MGAT4C: variants seen among roughly 807,000 people sequenced by gnomAD.
The protein encoded by MGAT4C is MGAT4 family member C.
MGAT4C carries 19 observed loss-of-function variants against 40.1 expected under a neutral mutation model. The ratio of observed to expected loss-of-function variants is 0.47; its 90% CI spans 0.33 to 0.70. The LOEUF (loss-of-function observed/expected upper bound fraction) is 0.70, where lower values mean the gene tolerates loss of function less well. Among genes scored for constraint, MGAT4C ranks in the 30% least tolerant of loss-of-function variants. MGAT4C has a pLI of 0.02. For synonymous variants in MGAT4C, 181 were observed against 187.1 expected, an observed-to-expected ratio of 0.97 and a Z score of 0.27; for missense variants, 491 against 563.2, an observed-to-expected ratio of 0.87 and a Z score of 1.30.
intron 1 of MGAT4C, among the ~76,000 whole-genome samples, chr12:86,803,929 TG>T (rs1236871948): frequency 1.4e-5 from 2 of 143,004 alleles, no homozygotes; most frequent in Non-Finnish European, 3.1e-5. Context: ...TATACCCAAA[TG>T]ACTATAAATC....
chr12:86,469,887 G>T (rs1957734141), intron 2 of MGAT4C, among the ~76,000 whole-genome samples: 1 of 152,090 alleles, frequency 6.6e-6, no homozygotes, highest in Non-Finnish European at 1.5e-5. Flanking sequence ...TCCTCCTATA[G>T]AAACTGTGGG....
chr12:86,462,558 A>G (rs958554991), intron 2 of MGAT4C, among the ~76,000 whole-genome samples: 1 of 152,190 alleles, frequency 6.6e-6, no homozygotes, highest in East Asian at 1.9e-4. Context: ...GACTCACACA[A>G]TCACAAGGTG....
At chr12:86,791,148 TG>T (rs1343523174) in intron 1 of MGAT4C, among the ~76,000 whole-genome samples, 1 of 152,122 alleles carries the variant, frequency 6.6e-6, no homozygotes, top group African/African-American at 2.4e-5. Flanking sequence ...CTTTGTATTT[TG>T]GGGTTTTATA....
chr12:86,672,492 GT>G (rs1964281810), intron 2 of MGAT4C, among the ~76,000 whole-genome samples: 2 of 151,918 alleles, frequency 1.3e-5, no homozygotes, highest in Admixed American at 6.6e-5. Flanking sequence ...AATGAAATGA[GT>G]TTTTTTGAAA....
chr12:86,126,906 C>T (rs778809292), intron 1 of MGAT4C, among the ~76,000 whole-genome samples: 2 of 152,014 alleles, frequency 1.3e-5, no homozygotes, highest in Non-Finnish European at 2.9e-5. Flanking sequence ...CAGTATAAAG[C>T]GGGGATGGTT....
At chr12:86,426,963 GAAGA>G (rs1467402035) in intron 3 of MGAT4C, among the ~76,000 whole-genome samples, 2 of 151,610 alleles carry the variant, frequency 1.3e-5, no homozygotes, top group Non-Finnish European at 2.9e-5. Flanking sequence ...AGAAAAAGAA[GAAGA>G]GAGAGAGAGA....
chr12:86,159,943 A>G lies in MGAT4C; in HGVS notation c.-57+96296T>C, dbSNP rs528823173. Among the ~76,000 whole-genome samples, 4 of 152,136 alleles carry G rather than the reference A, an allele frequency of 2.6e-5. No individual in the cohort carries two copies. The South Asian group carries it at 8.3e-4, about 32-fold the overall frequency. On this transcript the variant is annotated intron_variant, in intron 1 of 4. Transcript: ENST00000611864. ...GTCTTCTCTTTCTTTCTCTTTGTTC[A>G]TATAGCTAGGAGGCATATCAATCTT...
chr12:86,482,691 C>G (rs1592901269), intron 2 of MGAT4C, among the ~76,000 whole-genome samples: 1 of 152,118 alleles, frequency 6.6e-6, no homozygotes, highest in East Asian at 1.9e-4. Flanking sequence ...AACAAATTTT[C>G]TCTAACGTAT....
chr12:86,157,592 G>A (rs906064416), intron 1 of MGAT4C, among the ~76,000 whole-genome samples: 1 of 151,834 alleles, frequency 6.6e-6, no homozygotes, highest in Non-Finnish European at 1.5e-5. Flanking sequence ...CCTGAGATTG[G>A]GTTATTTATA....
intron 3 of MGAT4C, among the ~76,000 whole-genome samples, chr12:86,412,822 T>A (rs927922539): frequency 6.6e-6 from 1 of 152,162 alleles, no homozygotes; most frequent in African/African-American, 2.4e-5. Context: ...ATCTCATGTA[T>A]GAATTTTAAT....
At chr12:86,717,066 T>C (rs1435286250) in intron 2 of MGAT4C, among the ~76,000 whole-genome samples, 1 of 151,972 alleles carries the variant, frequency 6.6e-6, no homozygotes, top group Non-Finnish European at 1.5e-5. Flanking sequence ...GACCTCAGAA[T>C]GGGAAAAAAT....
At chr12:86,506,082 A>G (rs1309879484) in intron 2 of MGAT4C, among the ~76,000 whole-genome samples, 1 of 152,174 alleles carries the variant, frequency 6.6e-6, no homozygotes, top group Non-Finnish European at 1.5e-5. Context: ...AAGCCAGTGG[A>G]TCATGTATCC....
intron 1 of MGAT4C, among the ~76,000 whole-genome samples, chr12:86,140,422 TCAC>T (rs1882664004): frequency 6.6e-6 from 1 of 152,238 alleles, no homozygotes; most frequent in African/African-American, 2.4e-5. Context: ...CCGCATGTTC[TCAC>T]CACATTATCT....
chr12:86,769,004 C>T (rs1478734935), intron 1 of MGAT4C, among the ~76,000 whole-genome samples: 8 of 151,484 alleles, frequency 5.3e-5, no homozygotes, highest in Admixed American at 4.6e-4. Context: ...CAACAAAAGA[C>T]AAAATTGACA....
chr12:86,834,887 C>T (rs1593251200), intron 1 of MGAT4C, among the ~76,000 whole-genome samples: 1 of 151,978 alleles, frequency 6.6e-6, no homozygotes, highest in South Asian at 2.1e-4. Flanking sequence ...CAAGTACTTG[C>T]TTTTGTGTCC....
chr12:86,170,718 C>T (rs1285148439), intron 1 of MGAT4C, among the ~76,000 whole-genome samples: 3 of 151,808 alleles, frequency 2.0e-5, no homozygotes, highest in East Asian at 1.9e-4. Flanking sequence ...TTTGGGAGGC[C>T]GAGGCAGGTG....
intron 2 of MGAT4C, among the ~76,000 whole-genome samples, chr12:86,521,117 T>C (rs1243529906): frequency 6.6e-6 from 1 of 152,196 alleles, no homozygotes; most frequent in Non-Finnish European, 1.5e-5. Flanking sequence ...CAATTGTTTT[T>C]GGCAACTTTG....
At chr12:86,724,016 A>C (rs1321487036) in intron 2 of MGAT4C, among the ~76,000 whole-genome samples, 1 of 152,174 alleles carries the variant, frequency 6.6e-6, no homozygotes, top group Non-Finnish European at 1.5e-5. Flanking sequence ...CTTAATTTGA[A>C]CATGTATTTG....
intron 2 of MGAT4C, among the ~76,000 whole-genome samples, chr12:86,640,359 A>T (rs937926307): frequency 6.6e-6 from 1 of 151,864 alleles, no homozygotes; most frequent in Non-Finnish European, 1.5e-5. Flanking sequence ...GAAATATGTC[A>T]AATTTTTAAA....
Sources: gnomAD v4.1 joint callset for allele counts (sites outside exome capture counted in the v4.1 genomes callset) on GRCh38, gnomAD v4.1.1 for gene constraint, MANE v1.5 for transcripts, NCBI Gene and HGNC (gene_info 2026-07-23, HGNC 2026-07-21) for gene names.